Variants in IGLL5 observed in about 807,000 individuals in gnomAD.
IGLL5 encodes the protein immunoglobulin lambda-like polypeptide 5.
In IGLL5, 30 loss-of-function variants were observed where a neutral mutation model predicts 20.9. The observed-to-expected ratio is 1.44, with a 90% CI of 1.07 to 1.95. IGLL5 has a LOEUF of 1.95. Ranked by LOEUF, IGLL5 falls within the 30% of genes most tolerant of loss-of-function variation. IGLL5 has a pLI of 0.00. For synonymous variants in IGLL5, 203 were observed against 117.3 expected (o/e 1.73, Z -4.72); for missense variants, 475 against 270.7 (o/e 1.75, Z -5.30).
intron 2 of IGLL5, among the ~76,000 whole-genome samples, 174 bp downstream of exon 2, chr22:22,893,992 GGCCTC>G (rs2067963201): frequency 6.6e-6 from 1 of 150,588 alleles, no homozygotes; most frequent in Admixed American, 6.6e-5. Flanking sequence ...CGGCAGGAAG[GGCCTC>G]CACAGTGGGA....
intron 1 of IGLL5, among the ~76,000 whole-genome samples, chr22:22,888,902 A>T (rs2067662493): frequency 1.3e-5 from 2 of 151,404 alleles, no homozygotes; most frequent in Admixed American, 6.6e-5. Context: ...CTGGTCTCAC[A>T]GATCGAGGGG....
chr22:22,888,876 T>G (rs558848380), intron 1 of IGLL5, among the ~76,000 whole-genome samples: 1 of 151,370 alleles, frequency 6.6e-6, no homozygotes, highest in African/African-American at 2.4e-5. Context: ...GATCTCCCTC[T>G]GGGATGATGC....
intron 1 of IGLL5, among the ~76,000 whole-genome samples, chr22:22,890,150 A>T (rs181367887): frequency 6.8e-6 from 1 of 146,992 alleles, no homozygotes. Flanking sequence ...TTTGTACATT[A>T]CTCTTTTTTC....
Position 22,888,864 on chromosome 22 carries a change from G to C in IGLL5, c.206+605G>C, listed in dbSNP as rs550585394. 2.0e-5 allele frequency among the ~76,000 whole-genome samples: 3 copies of C among 151,466 alleles called. 1 individual carries two copies. Among genetic ancestry groups the C allele is most frequent in the East Asian group, 4.1e-4 (2 of 4,936 alleles). On this transcript the variant is annotated intron_variant, in intron 1 of 2. Transcript: ENST00000526893. ...CATGTTTGGAGCAATAAAGGGAGAGGGGATCTCCCTCTGGGATGATGCCCA... is the reference window on the plus strand; with the variant it reads ...CATGTTTGGAGCAATAAAGGGAGAGCGGATCTCCCTCTGGGATGATGCCCA...
At chr22:22,890,916 C>T (rs2067826239) in intron 1 of IGLL5, among the ~76,000 whole-genome samples, 1 of 151,060 alleles carries the variant, frequency 6.6e-6, no homozygotes, top group Non-Finnish European at 1.5e-5. Context: ...ATTAACTGGT[C>T]ATCATGTTGC....
chr22:22,889,986 T>A (rs2146002115), intron 1 of IGLL5, among the ~76,000 whole-genome samples: 1 of 151,078 alleles, frequency 6.6e-6, no homozygotes, highest in South Asian at 2.1e-4. Context: ...GCTGATGGGA[T>A]TTCACCTAAT....
chr22:22,888,401 G>A (rs551360218), intron 1 of IGLL5, 142 bp downstream of exon 1: 21 of 664,208 alleles, frequency 3.2e-5, no homozygotes, highest in Admixed American at 8.8e-5. Context: ...TTAGTAATGG[G>A]TTGATATTTT....
chr22:22,894,944 G>C (rs554508692), intron 2 of IGLL5, among the ~76,000 whole-genome samples: 1 of 151,506 alleles, frequency 6.6e-6, no homozygotes, highest in African/African-American at 2.4e-5. Flanking sequence ...AGTCCTACAG[G>C]ATGAGCAGGG....
Position 22,887,868 on chromosome 22 carries a change from G to T in IGLL5, c.-186G>T. 1 of 631,676 alleles carries T rather than the reference G, an allele frequency of 1.6e-6. No homozygotes were observed. 39.1% of individuals were successfully genotyped at this position (631,676 alleles called of 1,614,324 possible). On this transcript the variant is annotated 5_prime_UTR_variant, in exon 1 of 3. Coordinates refer to ENST00000526893, the MANE Select transcript of IGLL5 (RefSeq NM_001178126.2). ...GCCCCTCTGGGAGAGATCCCCAGGG[G>T]TGACAGCCATGGACCCTGGAAGGGC...
chr22:22,893,051 C>T (rs1448900361), intron 1 of IGLL5, among the ~76,000 whole-genome samples: 1 of 151,106 alleles, frequency 6.6e-6, no homozygotes, highest in Non-Finnish European at 1.5e-5. Flanking sequence ...GGGATCCTGC[C>T]ATGTCCCAGC....
chr22:22,888,386 T>C (rs541526636), intron 1 of IGLL5, 127 bp downstream of exon 1: 9 of 749,778 alleles, frequency 1.2e-5, no homozygotes, highest in African/African-American at 5.4e-5. Context: ...GGGCTGACAC[T>C]GGCTTTAGTA....
At position 22,896,016 on chromosome 22, in the gene IGLL5, C is replaced by T. The variant is rs1261149539; in HGVS notation, c.*322C>T. ...CAGTCACCCCTTCTCCAACTCTCCA[C>T]TGTACCCCTGAGCTACCAGTCTGGC... On this transcript the variant is annotated 3_prime_UTR_variant, in exon 3 of 3. Coordinates refer to ENST00000526893, the MANE Select transcript of IGLL5 (RefSeq NM_001178126.2). The T allele has an allele frequency of 5.8e-6, 3 of 516,290 alleles. No individual in the cohort carries two copies. Among genetic ancestry groups the T allele is most frequent in the African/African-American group, 5.8e-5 (3 of 51,996 alleles). The allele number at this position is 516,290 out of a possible 1,614,324, so 32.0% of individuals were successfully genotyped here. A position where few individuals can be genotyped will look rare whatever the true frequency, so the allele number is the denominator to read the frequency against.
chr22:22,893,913 C>G lies in IGLL5; in HGVS notation c.325+95C>G, dbSNP rs910277866. ...CTGGGGCTTCCTCCCCTCTGTCCTC[C>G]CAGCCTTAAGCACTGACCCTTACCT... On this transcript the variant is annotated intron_variant, in intron 2 of 2. Transcript: ENST00000526893. 6.8e-6 allele frequency: 6 copies of G among 886,766 alleles called. 1 individual carries two copies. Among genetic ancestry groups the G allele is most frequent in the Admixed American group, 1.8e-5 (1 of 56,588 alleles). The allele number at this position is 886,766 out of a possible 1,614,324, so 54.9% of individuals were successfully genotyped here.
intron 1 of IGLL5, among the ~76,000 whole-genome samples, chr22:22,889,737 G>C (rs1241346054): frequency 6.6e-6 from 1 of 151,184 alleles, no homozygotes; most frequent in African/African-American, 2.4e-5. Context: ...ACAGATGCAG[G>C]CCACTACACC....
intron 2 of IGLL5, among the ~76,000 whole-genome samples, chr22:22,894,514 C>T (rs1262113062): frequency 1.3e-5 from 2 of 151,426 alleles, no homozygotes; most frequent in African/African-American, 4.8e-5. Context: ...CCTGGAGCCC[C>T]GTCACCTCTG....
chr22:22,894,996 A>G (rs2066714751), intron 2 of IGLL5, among the ~76,000 whole-genome samples: 2 of 151,312 alleles, frequency 1.3e-5, no homozygotes, highest in Admixed American at 6.6e-5. Context: ...CTGGAAGAAT[A>G]AAGTGGGTGA....
At chr22:22,888,431 G>A (rs1569079670) in intron 1 of IGLL5, among the ~76,000 whole-genome samples, 172 bp downstream of exon 1, 3 of 151,424 alleles carry the variant, frequency 2.0e-5, no homozygotes, top group South Asian at 2.1e-4. Flanking sequence ...AGATTTGTTT[G>A]AATTACTGTT....
At chr22:22,890,282 A>G (rs919908948) in intron 1 of IGLL5, among the ~76,000 whole-genome samples, 1 of 148,218 alleles carries the variant, frequency 6.7e-6, no homozygotes, top group Non-Finnish European at 1.5e-5. Context: ...TACTTCCAGA[A>G]CTTTTCCTGT....
intron 2 of IGLL5, among the ~76,000 whole-genome samples, chr22:22,894,373 T>C (rs1209970542): frequency 2.0e-5 from 3 of 151,356 alleles, no homozygotes; most frequent in East Asian, 2.0e-4. Context: ...TGCAGCTCTG[T>C]GGCCTGTGCT....
Sources: gnomAD v4.1 joint callset for allele counts (sites outside exome capture counted in the v4.1 genomes callset) on GRCh38, gnomAD v4.1.1 for gene constraint, MANE v1.5 for transcripts, NCBI Gene and HGNC (gene_info 2026-07-23, HGNC 2026-07-21) for gene names.